The following ATRX variants were observed in gnomAD, a reference collection of about 807,000 sequenced individuals.
ATRX encodes the protein ATRX chromatin remodeler, also known as chromatin remodeler ATRX.
ATRX carries 12 observed loss-of-function variants against 172.6 expected under a neutral mutation model. The observed-to-expected ratio is 0.07, with a 90% CI of 0.04 to 0.11. ATRX has a LOEUF of 0.11. ATRX is among the 10% of genes least tolerant of loss of function. ATRX has a pLI of 1.00. For synonymous variants in ATRX, 674 were observed against 594.7 expected, an observed-to-expected ratio of 1.13 and a Z score of -1.94; for missense variants, 1,368 against 1,767.4, an observed-to-expected ratio of 0.77 and a Z score of 4.05.
In ATRX at chrX:77,671,167, A is replaced by AAATATAT. The variant is rs1424480831; in HGVS notation, c.3809+5058_3809+5059insATATATT. On this transcript the variant is annotated intron_variant, in intron 10 of 34. Transcript: ENST00000373344. ...TGTCTCAAAAAAAAAAAAAAAAAAA[A>AAATATAT]ATATATATATATATATATATATATA... is the stretch of plus-strand genomic sequence containing the variant. Among the ~76,000 whole-genome samples the AAATATAT allele has an allele frequency of 8.6e-3, 135 of 15,757 alleles. 12 individuals carry two copies. Among genetic ancestry groups the AAATATAT allele is most frequent in the African/African-American group, 0.013 (62 of 4,682 alleles). 13.7% of individuals were successfully genotyped at this position (15,757 alleles called of 115,157 possible). A position where few individuals can be genotyped will look rare whatever the true frequency, so the allele number is the denominator to read the frequency against.
intron 10 of ATRX, chrX:77,674,149 C>G (rs1408928928): frequency 9.0e-6 from 1 of 110,988 alleles, no homozygotes; most frequent in Non-Finnish European, 1.9e-5. Flanking sequence ...CAAAATACAA[C>G]CTACTCAAAA....
chrX:77,568,462 T>A (rs991654058), intron 28 of ATRX, among the ~76,000 whole-genome samples: 1 of 111,935 alleles, frequency 8.9e-6, no homozygotes, highest in Non-Finnish European at 1.9e-5. Flanking sequence ...CTAAAACTAC[T>A]GAGGAAATTT....
chrX:77,671,746 T>C (rs1346971437), intron 10 of ATRX, among the ~76,000 whole-genome samples: 2 of 111,311 alleles, frequency 1.8e-5, no homozygotes, highest in East Asian at 5.6e-4. Flanking sequence ...ACACTAGAAA[T>C]CCAAACTCTT....
At chrX:77,697,194 C>A (rs1179908763) in intron 4 of ATRX, among the ~76,000 whole-genome samples, 1 of 111,613 alleles carries the variant, frequency 9.0e-6, no homozygotes, top group Non-Finnish European at 1.9e-5. Flanking sequence ...TTATAACTTA[C>A]AACTATGATG....
intron 15 of ATRX, among the ~76,000 whole-genome samples, chrX:77,639,840 C>T (rs2068565619): frequency 9.0e-6 from 1 of 111,667 alleles, no homozygotes; most frequent in Non-Finnish European, 1.9e-5. Flanking sequence ...GGTATATACC[C>T]AAAGGAAAAT....
At chrX:77,784,150 C>G (rs1416234980) in intron 1 of ATRX, among the ~76,000 whole-genome samples, 3 of 111,863 alleles carry the variant, frequency 2.7e-5, no homozygotes, top group Non-Finnish European at 3.8e-5. Context: ...GGGTTCAATT[C>G]CAGCTCCACC....
intron 30 of ATRX, among the ~76,000 whole-genome samples, chrX:77,551,500 A>C (rs1469037793): frequency 8.9e-6 from 1 of 112,397 alleles, no homozygotes; most frequent in Non-Finnish European, 1.9e-5. Context: ...TGGTAGACCT[A>C]AAACCATAAA....
chrX:77,546,992 G>A (rs2064267546), intron 30 of ATRX, among the ~76,000 whole-genome samples: 1 of 111,852 alleles, frequency 8.9e-6, no homozygotes, highest in South Asian at 3.7e-4. Flanking sequence ...GGGATAGAGT[G>A]ATGAAGATGC....
chrX:77,604,923 CT>C lies in ATRX; in HGVS notation c.5567-4360del, dbSNP rs782182639. ...ACAGAAAGATAAATAGTGTCATGTT[CT>C]CCCTTATAAGTGGGGCTAAATAATG... is the stretch of plus-strand genomic sequence containing the variant. On this transcript the variant is annotated intron_variant, in intron 22 of 34. Transcript: ENST00000373344. 6.2e-5 allele frequency among the ~76,000 whole-genome samples: 7 copies of C among 112,171 alleles called. No individual in the cohort carries two copies. The East Asian group carries it at 2.0e-3, about 31-fold the overall frequency.
At chrX:77,589,112 A>G (rs2066141413) in intron 27 of ATRX, among the ~76,000 whole-genome samples, 1 of 112,393 alleles carries the variant, frequency 8.9e-6, no homozygotes, top group African/African-American at 3.2e-5. Flanking sequence ...TGTACACAAC[A>G]GCACTATTCA....
intron 1 of ATRX, among the ~76,000 whole-genome samples, chrX:77,764,989 G>A (rs1481471724): frequency 1.8e-5 from 2 of 111,066 alleles, no homozygotes; most frequent in Non-Finnish European, 3.8e-5. Flanking sequence ...CAGCCTCGCC[G>A]ACATGGTGAA....
chrX:77,718,020 C>T (rs372474334), intron 1 of ATRX, among the ~76,000 whole-genome samples: 2 of 110,616 alleles, frequency 1.8e-5, no homozygotes, highest in East Asian at 2.8e-4. Context: ...TTATTATTTC[C>T]TCTCACTTAT....
chrX:77,696,930 C>T (rs1478250908), intron 4 of ATRX, among the ~76,000 whole-genome samples: 1 of 111,583 alleles, frequency 9.0e-6, no homozygotes, highest in Non-Finnish European at 1.9e-5. Flanking sequence ...ACCAGGGAGA[C>T]CCTGGAGGAC....
At position 77,720,929 on chromosome X, in the gene ATRX, A is replaced by G. The variant is rs782731345; in HGVS notation, c.21-3686T>C. Among the ~76,000 whole-genome samples the G allele has an allele frequency of 2.7e-5, 3 of 112,009 alleles. No homozygotes were observed. In the East Asian group the frequency reaches 8.4e-4, roughly 31 times the overall value. Reference sequence around the variant, plus strand: ...GAACATCGATGCAAAAATCCTCAATAAAATACTGGCAAGCCGAATCCAGCA... The same window carrying G: ...GAACATCGATGCAAAAATCCTCAATGAAATACTGGCAAGCCGAATCCAGCA... On this transcript the variant is annotated intron_variant, in intron 1 of 34. Coordinates refer to ENST00000373344, the MANE Select transcript of ATRX (RefSeq NM_000489.6).
intron 1 of ATRX, among the ~76,000 whole-genome samples, chrX:77,744,614 A>G (rs1007824738): frequency 9.0e-6 from 1 of 111,479 alleles, no homozygotes; most frequent in Admixed American, 9.6e-5. Flanking sequence ...GAGATGCAAG[A>G]AAAGTCTGAA....
chrX:77,768,023 T>C lies in ATRX; in HGVS notation c.20+17959A>G, dbSNP rs2076036064. Among the ~76,000 whole-genome samples, 6 of 111,571 alleles carry C rather than the reference T, an allele frequency of 5.4e-5. No homozygotes were observed. In the Admixed American group the frequency reaches 5.7e-4, roughly 11 times the overall value. On this transcript the variant is annotated intron_variant, in intron 1 of 34. Transcript: ENST00000373344. ...AAAAGGAAAACACTGAGGCTCAGGG[T>C]CACAGTTATCATAAGACCCAGAACT...
chrX:77,523,758 G>A (rs1240707573), intron 30 of ATRX, among the ~76,000 whole-genome samples: 2 of 111,462 alleles, frequency 1.8e-5, no homozygotes, highest in African/African-American at 3.3e-5. Context: ...TATATTGGAT[G>A]CCTGTGCTAG....
At chrX:77,694,101 G>A (rs1336197603) in intron 5 of ATRX, among the ~76,000 whole-genome samples, 164 bp from the exon 6 acceptor site, 1 of 112,141 alleles carries the variant, frequency 8.9e-6, no homozygotes, top group Non-Finnish European at 1.9e-5. Context: ...CAGGGAAATA[G>A]TAAAAGGGCC....
chrX:77,681,650 G>T lies in ATRX; in HGVS notation c.3606C>A (p.Ser1202=), dbSNP rs2148568953. 3.3e-6 allele frequency: 4 copies of T among 1,208,095 alleles called. No homozygotes were observed. Among genetic ancestry groups the T allele is most frequent in the Non-Finnish European group, 4.5e-6 (4 of 894,192 alleles). The change falls in exon 9 of 35, where the codon TCC becomes TCA. Residue 1202 remains serine, a synonymous_variant. Transcript: ENST00000373344. ...CATCTTCTATATCAGAAGAAGATGAGGATGTAATGTCAGCTTGCTTCCTTT... is the reference window on the plus strand; with the variant it reads ...CATCTTCTATATCAGAAGAAGATGATGATGTAATGTCAGCTTGCTTCCTTT... ...STKRKQADIT[S]SSSSDIEDDD... is the part of the protein sequence containing the mutation.
Sources: gnomAD v4.1 joint callset for allele counts (sites outside exome capture counted in the v4.1 genomes callset) on GRCh38, gnomAD v4.1.1 for gene constraint, MANE v1.5 for transcripts, NCBI Gene and HGNC (gene_info 2026-07-23, HGNC 2026-07-21) for gene names.